The following THSD4 variants were observed in gnomAD, a reference collection of about 807,000 sequenced individuals.
THSD4 encodes the protein thrombospondin type-1 domain-containing protein 4.
Under a neutral mutation model 119.0 loss-of-function variants are expected in THSD4, and 69 were observed. The observed-to-expected ratio is 0.58, with a 90% CI of 0.48 to 0.71. The LOEUF (loss-of-function observed/expected upper bound fraction) is 0.71, where lower values mean the gene tolerates loss of function less well. Ranked by LOEUF, THSD4 falls within the 30% of genes least tolerant of loss-of-function variation. The pLI is 0.00. For synonymous variants in THSD4, 524 were observed against 540.4 expected (o/e 0.97, Z 0.42); for missense variants, 1,393 against 1,391.1 (o/e 1.00, Z -0.02).
intron 3 of THSD4, chr15:71,167,106 G>A (rs1030604836): frequency 5.9e-5 from 9 of 152,268 alleles, no homozygotes; most frequent in African/African-American, 1.9e-4. Flanking sequence ...TCAGAGCTTT[G>A]TGGAACTGTG....
intron 6 of THSD4, among the ~76,000 whole-genome samples, chr15:71,377,912 A>AC (rs200219700): frequency 1.7e-3 from 43 of 25,302 alleles, no homozygotes; most frequent in African/African-American, 3.9e-3. Context: ...ACACACACAC[A>AC]CAATTTCCTT....
At chr15:71,386,065 C>T (rs1004183248) in intron 6 of THSD4, among the ~76,000 whole-genome samples, 1 of 152,172 alleles carries the variant, frequency 6.6e-6, no homozygotes, top group African/African-American at 2.4e-5. Context: ...GTCTCATAGG[C>T]ACCAGTATTT....
chr15:71,412,138 G>A (rs1016318297), intron 7 of THSD4, among the ~76,000 whole-genome samples: 2 of 152,212 alleles, frequency 1.3e-5, no homozygotes, highest in African/African-American at 2.4e-5. Flanking sequence ...CCTGTGAAAC[G>A]GAGGTTATGG....
intron 10 of THSD4, among the ~76,000 whole-genome samples, chr15:71,737,270 C>G (rs909813161): frequency 1.1e-4 from 16 of 152,212 alleles, no homozygotes; most frequent in Non-Finnish European, 1.8e-4. Context: ...GCCAGATTTC[C>G]CTCCAAAACC....
intron 3 of THSD4, among the ~76,000 whole-genome samples, chr15:71,199,636 G>GGTGT (rs2043760884): frequency 7.1e-6 from 1 of 140,342 alleles, no homozygotes; most frequent in African/African-American, 2.8e-5. Context: ...TGGTGTGTGT[G>GGTGT]GTGTGTGTGT....
intron 7 of THSD4, among the ~76,000 whole-genome samples, chr15:71,449,924 A>C (rs1018430745): frequency 6.6e-6 from 1 of 152,196 alleles, no homozygotes; most frequent in Non-Finnish European, 1.5e-5. Flanking sequence ...CAGGAACAAA[A>C]AACTACTTAG....
Position 71,777,370 on chromosome 15 carries a change from G to C in THSD4, c.3053G>C (p.Arg1018Thr). Reference protein sequence around the residue: ...ANRQTGFLGSR With the variant: ...ANRQTGFLGST ...AGGCAGACGGGCTTCCTGGGGAGCA[G>C]ATAACACTCCTGCACCCCCATCAGT... Residue 1018 changes from arginine (R) to threonine (T), a missense_variant, in exon 18 of 18, where the codon AGA becomes ACA. Transcript: ENST00000261862. 3 of 1,613,432 alleles carry C rather than the reference G, an allele frequency of 1.9e-6. No individual in the cohort carries two copies. The highest frequency in any genetic ancestry group is 1.7e-4 in the Middle Eastern group (1 of 6,020).
chr15:71,562,186 A>G (rs2049133861), intron 7 of THSD4, among the ~76,000 whole-genome samples: 1 of 152,206 alleles, frequency 6.6e-6, no homozygotes, highest in African/African-American at 2.4e-5. Flanking sequence ...CCTTTAGGCA[A>G]GGGAAAGCTT....
chr15:71,202,310 A>T (rs1448026741), intron 3 of THSD4, among the ~76,000 whole-genome samples: 1 of 152,154 alleles, frequency 6.6e-6, no homozygotes, highest in Non-Finnish European at 1.5e-5. Flanking sequence ...TGGCCTTGAA[A>T]GTCGTTGTTT....
At position 71,524,908 on chromosome 15, in the gene THSD4, G is replaced by A. The variant is rs148358166; in HGVS notation, c.1152+113085G>A. 5.3e-3 allele frequency among the ~76,000 whole-genome samples: 804 copies of A among 150,694 alleles called. 7 individuals are homozygous for A. The highest frequency in any genetic ancestry group is 0.018 in the African/African-American group (732 of 40,900). On this transcript the variant is annotated intron_variant, in intron 7 of 17. Coordinates refer to ENST00000261862, the MANE Select transcript of THSD4 (RefSeq NM_024817.3). ...ATTACAAGCGTGAGCCACCATGCCC[G>A]GCCTCTTGCTTTATACTTCAAAGAA...
chr15:71,618,019 C>T (rs1057476403), intron 7 of THSD4, among the ~76,000 whole-genome samples: 7 of 152,162 alleles, frequency 4.6e-5, no homozygotes, highest in Non-Finnish European at 1.0e-4. Context: ...CTCTGAACAA[C>T]AAGGGTCCGT....
chr15:71,652,179 A>T (rs762502198), intron 7 of THSD4, among the ~76,000 whole-genome samples: 2 of 152,160 alleles, frequency 1.3e-5, no homozygotes, highest in African/African-American at 2.4e-5. Flanking sequence ...TCTCTGCTCC[A>T]TTCTGCAAGG....
chr15:71,477,195 C>A (rs933744067), intron 7 of THSD4, among the ~76,000 whole-genome samples: 1 of 152,204 alleles, frequency 6.6e-6, no homozygotes, highest in African/African-American at 2.4e-5. Flanking sequence ...CAGACGTGCA[C>A]GGAGCCAGCC....
At chr15:71,404,423 T>G (rs527276572) in intron 6 of THSD4, among the ~76,000 whole-genome samples, 31 of 152,256 alleles carry the variant, frequency 2.0e-4, no homozygotes, top group Non-Finnish European at 4.0e-4. Flanking sequence ...ATCCATACTT[T>G]AATGCTTCCT....
rs140748802 is a variant in THSD4, at chr15:71,316,062, T to C, written c.1015+59347T>C. On this transcript the variant is annotated intron_variant, in intron 6 of 17. Coordinates refer to ENST00000261862, the MANE Select transcript of THSD4 (RefSeq NM_024817.3). ...TTGGGTTCACTGGGTATGAGCAGAG[T>C]AAGGAGTTGGGGATAACTTCAAAGT... Among the ~76,000 whole-genome samples, 700 of 152,174 alleles carry C rather than the reference T, an allele frequency of 4.6e-3. 4 individuals are homozygous for C. The highest frequency in any genetic ancestry group is 7.5e-3 in the Non-Finnish European group (511 of 68,010).
At chr15:71,302,953 G>A (rs1037420557) in intron 6 of THSD4, among the ~76,000 whole-genome samples, 1 of 152,046 alleles carries the variant, frequency 6.6e-6, no homozygotes, top group Non-Finnish European at 1.5e-5. Context: ...TCTTGGTTTG[G>A]TCCCTAGAAA....
chr15:71,635,524 A>G (rs897829785), intron 7 of THSD4, among the ~76,000 whole-genome samples: 12 of 152,204 alleles, frequency 7.9e-5, no homozygotes, highest in Non-Finnish European at 1.6e-4. Flanking sequence ...TGACTTTGCT[A>G]AAAGGCTGAA....
At chr15:71,352,897 A>G (rs1205267675) in intron 6 of THSD4, among the ~76,000 whole-genome samples, 1 of 152,250 alleles carries the variant, frequency 6.6e-6, no homozygotes, top group Non-Finnish European at 1.5e-5. Flanking sequence ...AGGACATTCT[A>G]GGAGAAGGGA....
chr15:71,341,807 C>CTTCCT (rs1338522440), intron 6 of THSD4: 1 of 747,978 alleles, frequency 1.3e-6, no homozygotes, highest in Non-Finnish European at 2.5e-6. Flanking sequence ...TTCTTCCTTC[C>CTTCCT]TTCCTTTCCT....
Sources: allele counts gnomAD v4.1 joint callset (sites outside exome capture counted in the v4.1 genomes callset), GRCh38; gene constraint gnomAD v4.1.1; transcripts MANE v1.5; gene names NCBI Gene and HGNC (gene_info 2026-07-23, HGNC 2026-07-21).